Variants in NOS1 observed in about 807,000 individuals in gnomAD.
NOS1 encodes the protein NOS type I.
In NOS1, 51 loss-of-function variants were observed where a neutral mutation model predicts 164.5. The ratio of observed to expected loss-of-function variants is 0.31; its 90% CI spans 0.25 to 0.39. NOS1 has a LOEUF of 0.39. NOS1 is among the 10% of genes least tolerant of loss of function. The pLI, the probability that NOS1 is intolerant of heterozygous loss-of-function variation, is 1.00. For missense variants in NOS1, 1,362 were observed against 1,885.6 expected (o/e 0.72, Z 5.14); for synonymous variants, 719 against 745.8 (o/e 0.96, Z 0.59).
rs892473167 is a variant in NOS1 at position 117,208,284 on chromosome 12, G to A, written c.*7025C>T. 3.1e-6 allele frequency: 4 copies of A among 1,288,732 alleles called. No individual in the cohort carries two copies. Among genetic ancestry groups the A allele is most frequent in the Non-Finnish European group, 4.0e-6 (4 of 988,498 alleles). The allele number at this position is 1,288,732 out of a possible 1,614,324, so 79.8% of individuals were successfully genotyped here. ...CCTGGACAACCTCGCAAAGAGCGTG[G>A]GGTGGGCGTCAGTCCTTCAAGGAAG... On this transcript the variant is annotated 3_prime_UTR_variant, in exon 29 of 29. Coordinates refer to ENST00000317775, the MANE Select transcript of NOS1 (RefSeq NM_000620.5).
At chr12:117,343,597 A>T (rs1250619507) in intron 1 of NOS1, among the ~76,000 whole-genome samples, 1 of 152,248 alleles carries the variant, frequency 6.6e-6, no homozygotes, top group Non-Finnish European at 1.5e-5. Context: ...GTAATGATTA[A>T]GCAAGATGGA....
intron 1 of NOS1, among the ~76,000 whole-genome samples, chr12:117,359,913 T>C (rs1338421564): frequency 1.5e-5 from 1 of 65,652 alleles, no homozygotes; most frequent in African/African-American, 6.6e-5. Context: ...TATATATATA[T>C]ATATATATAT....
At chr12:117,289,636 C>T (rs1872918920) in intron 4 of NOS1, among the ~76,000 whole-genome samples, 1 of 152,200 alleles carries the variant, frequency 6.6e-6, no homozygotes, top group Non-Finnish European at 1.5e-5. Flanking sequence ...TTAAGCCCCG[C>T]ATGCATTAGG....
At chr12:117,246,415 C>T (rs979528505) in intron 18 of NOS1, among the ~76,000 whole-genome samples, 1 of 152,302 alleles carries the variant, frequency 6.6e-6, no homozygotes, top group Admixed American at 6.5e-5. Context: ...GGACAACAAG[C>T]ATCAACCACC....
chr12:117,336,648 T>A (rs1875835446), intron 1 of NOS1, among the ~76,000 whole-genome samples: 1 of 152,002 alleles, frequency 6.6e-6, no homozygotes, highest in Non-Finnish European at 1.5e-5. Context: ...AATAAAAAAA[T>A]TTAAAAAACA....
intron 12 of NOS1, among the ~76,000 whole-genome samples, chr12:117,264,221 C>A (rs1415030129): frequency 6.6e-6 from 1 of 152,054 alleles, no homozygotes; most frequent in Admixed American, 6.6e-5. Flanking sequence ...GGCCCCCAGT[C>A]CCTCTCAAAC....
At chr12:117,293,112 G>C (rs982021657) in intron 3 of NOS1, among the ~76,000 whole-genome samples, 1 of 152,184 alleles carries the variant, frequency 6.6e-6, no homozygotes, top group East Asian at 1.9e-4. Context: ...TGCAGCCAGC[G>C]GAATAAGAGT....
In NOS1 at chr12:117,285,086, T is replaced by A. The variant is rs547491478; in HGVS notation, c.1382+155A>T. Among the ~76,000 whole-genome samples, 57 of 144,834 alleles carry A rather than the reference T, an allele frequency of 3.9e-4. No individual in the cohort carries two copies. In the East Asian group the frequency reaches 9.4e-3, roughly 24 times the overall value. ...TAAATAAATAAAATAAAATAAAAAA[T>A]AAAAAAAAAAGATGCCAGGACACCT... On this transcript the variant is annotated intron_variant, in intron 7 of 28. Transcript: ENST00000317775.
chr12:117,321,630 G>A (rs924633062), intron 2 of NOS1, among the ~76,000 whole-genome samples: 2 of 152,126 alleles, frequency 1.3e-5, no homozygotes, highest in Non-Finnish European at 2.9e-5. Flanking sequence ...GGCAAGATCA[G>A]AATAAAAGGT....
chr12:117,355,008 C>T (rs982922018), intron 1 of NOS1, among the ~76,000 whole-genome samples: 8 of 152,154 alleles, frequency 5.3e-5, no homozygotes, highest in Non-Finnish European at 1.2e-4. Context: ...AAAGGCTCAC[C>T]TTTTTAATCC....
At chr12:117,332,297 G>A (rs1215290455) in intron 1 of NOS1, among the ~76,000 whole-genome samples, 1 of 152,166 alleles carries the variant, frequency 6.6e-6, no homozygotes. Flanking sequence ...TGATCCTCAC[G>A]ATAACCCCTC....
intron 3 of NOS1, among the ~76,000 whole-genome samples, chr12:117,303,199 G>C (rs936329936): frequency 6.6e-6 from 1 of 152,134 alleles, no homozygotes; most frequent in Non-Finnish European, 1.5e-5. Context: ...ACACCCTTTT[G>C]GTTTTCAGCA....
intron 10 of NOS1, among the ~76,000 whole-genome samples, chr12:117,270,273 C>T (rs1161403752): frequency 6.6e-6 from 1 of 152,086 alleles, no homozygotes; most frequent in Admixed American, 6.6e-5. Context: ...TTTGGGTAAA[C>T]TGCTCCTAGA....
intron 1 of NOS1, among the ~76,000 whole-genome samples, chr12:117,341,053 A>G (rs1282689347): frequency 6.6e-6 from 1 of 152,018 alleles, no homozygotes; most frequent in Non-Finnish European, 1.5e-5. Flanking sequence ...TGTTATTACA[A>G]TGCACCATAG....
At chr12:117,274,090 A>ATATACAAGGAACT (rs375104564) in intron 9 of NOS1, among the ~76,000 whole-genome samples, 89 of 152,368 alleles carry the variant, frequency 5.8e-4, no homozygotes, top group African/African-American at 1.9e-3. Flanking sequence ...AATATCCAGA[A>ATATACAAGGAACT]TATACAAGGA....
At position 117,211,473 on chromosome 12, in the gene NOS1, T is replaced by C; in HGVS notation, c.*3836A>G. ...CCAAGTATAACTCCAATCGCCTTAA[T>C]GTCCCTTTTTGAAAAACATTCTTAG... On this transcript the variant is annotated 3_prime_UTR_variant, in exon 29 of 29. Coordinates refer to ENST00000317775, the MANE Select transcript of NOS1 (RefSeq NM_000620.5). 1 of 984,812 alleles carries C rather than the reference T, an allele frequency of 1.0e-6. No homozygotes were observed. The highest frequency in any genetic ancestry group is 1.2e-6 in the Non-Finnish European group (1 of 829,382). The allele number at this position is 984,812 out of a possible 1,614,324, so 61.0% of individuals were successfully genotyped here.
In NOS1 at chr12:117,320,525, CA is replaced by C. The variant is rs1428028289; in HGVS notation, c.726-8934del. Among the ~76,000 whole-genome samples, 3 of 152,168 alleles carry C rather than the reference CA, an allele frequency of 2.0e-5. No individual in the cohort carries two copies. The East Asian group carries it at 5.8e-4, about 29-fold the overall frequency. ...CTGATACCTTGATTTGATATCAGCCCACTGAGACCACTTCAGACTTAAGACC... is the reference window on the plus strand; with the variant it reads ...CTGATACCTTGATTTGATATCAGCCCCTGAGACCACTTCAGACTTAAGACC... On this transcript the variant is annotated intron_variant, in intron 2 of 28. Transcript: ENST00000317775.
intron 17 of NOS1, among the ~76,000 whole-genome samples, chr12:117,250,327 CTTTT>C (rs556629285): frequency 7.7e-6 from 1 of 130,166 alleles, no homozygotes; most frequent in Admixed American, 7.8e-5. Flanking sequence ...TTGCCATTTA[CTTTT>C]TTTTTTTTTT....
Position 117,234,637 on chromosome 12 carries a change from G to A in NOS1, c.3163C>T (p.Arg1055Trp), listed in dbSNP as rs1471000694. 3 of 1,614,040 alleles carry A rather than the reference G, an allele frequency of 1.9e-6. No homozygotes were observed. The highest frequency in any genetic ancestry group is 2.5e-6 in the Non-Finnish European group (3 of 1,180,010). ...HEDLVNALIE[R>W]LEDAPPVNQM... ...TTGACAGGCGGCGCGTCCTCCAGCC[G>A]CTCGATCAGGGCATTCACGAGGTCC... The change falls in exon 21 of 29, where the codon CGG becomes TGG. Residue 1055 changes from arginine to tryptophan, a missense_variant. By Grantham distance (101) the Arg-to-Trp change is moderately radical (BLOSUM62 -3). Coordinates refer to ENST00000317775, the MANE Select transcript of NOS1 (RefSeq NM_000620.5). This position sits in a 1 kb window ranked among gnomAD's most constrained non-coding sequence, Gnocchi z 4.3.
Sources: allele counts gnomAD v4.1 joint callset (sites outside exome capture counted in the v4.1 genomes callset), GRCh38; gene constraint gnomAD v4.1.1; non-coding constraint Gnocchi (gnomAD v3.1); transcripts MANE v1.5; gene names NCBI Gene and HGNC (gene_info 2026-07-23, HGNC 2026-07-21).